The following STK36 variants were observed in gnomAD, a reference collection of about 807,000 sequenced individuals.
The protein encoded by STK36 is serine/threonine kinase 36.
Under a neutral mutation model 142.2 loss-of-function variants are expected in STK36, and 116 were observed. The ratio of observed to expected loss-of-function variants is 0.82; its 90% CI spans 0.70 to 0.95. The LOEUF is 0.95. Ranked by LOEUF, STK36 falls within the 40% of genes least tolerant of loss-of-function variation. The pLI, the probability that STK36 is intolerant of heterozygous loss-of-function variation, is 0.00. For missense variants in STK36, 1,422 were observed against 1,617.2 expected, an observed-to-expected ratio of 0.88 and a Z score of 2.07; for synonymous variants, 619 against 641.7, an observed-to-expected ratio of 0.96 and a Z score of 0.53.
chr2:218,699,278 C>T lies in STK36; in HGVS notation c.3734C>T (p.Pro1245Leu). The T allele has an allele frequency of 6.2e-7, 1 of 1,614,014 alleles. No homozygotes were observed. Among genetic ancestry groups the T allele is most frequent in the Non-Finnish European group, 8.5e-7 (1 of 1,180,018 alleles). Residue 1245 changes from proline to leucine, a missense_variant, in exon 26 of 27, where the codon CCC becomes CTC. Pro to Leu is a moderately conservative substitution (Grantham distance 98). Coordinates refer to ENST00000295709, the MANE Select transcript of STK36 (RefSeq NM_015690.5). ...QRLLEMACGD[P>L]QPNVKEAALI... is the part of the protein sequence containing the mutation. Reference sequence around the variant, plus strand: ...CTCCTAGAAATGGCATGTGGAGACCCCCAGCCAAATGTGAAGGAGGCTGCC... The same window carrying T: ...CTCCTAGAAATGGCATGTGGAGACCTCCAGCCAAATGTGAAGGAGGCTGCC...
Position 218,679,621 on chromosome 2 carries a change from A to G in STK36, c.840A>G (p.Glu280=), listed in dbSNP as rs1034996491. The G allele has an allele frequency of 1.2e-6, 2 of 1,614,120 alleles. No homozygotes were observed. The highest frequency in any genetic ancestry group is 1.7e-6 in the Non-Finnish European group (2 of 1,180,016). The change falls in exon 8 of 27, where the codon GAA becomes GAG. Residue 280 remains glutamate, a synonymous_variant. Coordinates refer to ENST00000295709, the MANE Select transcript of STK36 (RefSeq NM_015690.5). The stretch of plus-strand genomic sequence containing the variant: ...CATTCACCAGCCGCCTACCCCCAGA[A>G]CTTCAGGTCCTAAAGGACGAACAGG... ...GTPFTSRLPP[E]LQVLKDEQAH... is the part of the protein sequence containing the mutation.
At chr2:218,696,137 C>T (rs908312617) in intron 21 of STK36, among the ~76,000 whole-genome samples, 4 of 152,194 alleles carry the variant, frequency 2.6e-5, no homozygotes, top group Non-Finnish European at 4.4e-5. Context: ...GCTGGGATTA[C>T]AGGCGTGAGC....
chr2:218,697,302 A>T (rs1217151339), intron 23 of STK36, 89 bp downstream of exon 23: 2 of 1,527,862 alleles, frequency 1.3e-6, no homozygotes, highest in Non-Finnish European at 8.8e-7. Flanking sequence ...ACAGAGGTTT[A>T]TTTTTTTTGC....
intron 23 of STK36, 36 bp from the exon 24 acceptor site, chr2:218,697,427 C>T (rs1449171215): frequency 1.2e-6 from 2 of 1,610,068 alleles, no homozygotes. Context: ...GGGCGTCTTG[C>T]CTGTTCCATT....
rs55633575 is a variant in STK36 at position 218,697,954 on chromosome 2, G to A, written c.3010G>A (p.Val1004Ile). The change falls in exon 25 of 27, where the codon GTC (valine) becomes ATC (isoleucine). Residue 1004 changes from valine (V) to isoleucine (I), a missense_variant. By Grantham distance (29) the Val-to-Ile change is conservative. Around this residue, in one of 2 missense-constraint regions of STK36, gnomAD observed 962 missense variants for 1,167.5 expected, o/e 0.82. Coordinates refer to ENST00000295709, the MANE Select transcript of STK36 (RefSeq NM_015690.5). ...CATGGATGCTGACCTCCTTATAGGT[G>A]TCTTGGCCGACCTCAGGGACTCAGA... Reference protein sequence around the residue: ...LDMDADLLIGVLADLRDSEVA... With the variant: ...LDMDADLLIGILADLRDSEVA... 18,779 of 1,614,102 alleles carry A rather than the reference G, an allele frequency of 0.012. 1,839 individuals carry two copies. In the African/African-American group the frequency reaches 0.22, roughly 19 times the overall value.
At chr2:218,686,594 C>T (rs1264270652) in intron 11 of STK36, among the ~76,000 whole-genome samples, 2 of 152,142 alleles carry the variant, frequency 1.3e-5, no homozygotes. Context: ...TCATTATTCC[C>T]CTTTTTATAG....
intron 10 of STK36, among the ~76,000 whole-genome samples, chr2:218,681,929 T>C: frequency 7.6e-6 from 1 of 132,268 alleles, no homozygotes; most frequent in African/African-American, 2.5e-5. Flanking sequence ...TTTTTATTTA[T>C]TTTTTTTATT....
chr2:218,693,426 G>A (rs1247379861), intron 17 of STK36, 82 bp downstream of exon 17: 7 of 1,344,816 alleles, frequency 5.2e-6, no homozygotes, highest in African/African-American at 4.4e-5. Flanking sequence ...GACCAAGAGA[G>A]GAGGACTAAA....
chr2:218,673,162 A>T, intron 2 of STK36: 2 of 466,086 alleles, frequency 4.3e-6, no homozygotes, highest in Non-Finnish European at 7.8e-6. Context: ...TATCTCTAGA[A>T]TGGGGATAAG....
At chr2:218,678,624 C>T (rs1424761957) in intron 6 of STK36, among the ~76,000 whole-genome samples, 1 of 152,160 alleles carries the variant, frequency 6.6e-6, no homozygotes, top group Non-Finnish European at 1.5e-5. Context: ...AAGGTGTATC[C>T]TTTTCAGAGA....
At chr2:218,701,742 T>C (rs1941447427) in intron 26 of STK36, 124 bp from the exon 27 acceptor site, 1 of 1,203,582 alleles carries the variant, frequency 8.3e-7, no homozygotes, top group Non-Finnish European at 1.2e-6. Flanking sequence ...CAAGAGCCCA[T>C]TTCCTTTTTC....
At chr2:218,697,715 G>C in intron 24 of STK36, 105 bp downstream of exon 24, 1 of 1,589,012 alleles carries the variant, frequency 6.3e-7, no homozygotes, top group Non-Finnish European at 8.6e-7. Flanking sequence ...CAAGAAAGAT[G>C]AGATCAGGTT....
rs1318805066 is a variant in STK36 at position 218,679,667 on chromosome 2, G to C, written c.886G>C (p.Gly296Arg). 1 of 1,614,046 alleles carries C rather than the reference G, an allele frequency of 6.2e-7. No homozygotes were observed. ...ACAGGCCCATCGGTTGGCCCCCAAG[G>C]GTAATCAGTCTCGCATCTTGACTCA... Reference protein sequence around the residue: ...DEQAHRLAPKGNQSRILTQAY... With the variant: ...DEQAHRLAPKRNQSRILTQAY... Residue 296 changes from glycine to arginine, a missense_variant, in exon 8 of 27, where the codon GGT becomes CGT. This residue lies in a region of STK36 where 460 missense variants were observed against 449.6 expected (regional missense o/e 1.02). Coordinates refer to ENST00000295709, the MANE Select transcript of STK36 (RefSeq NM_015690.5).
In STK36 at chr2:218,698,961, C is replaced by G; in HGVS notation, c.3417C>G (p.His1139Gln). 2 of 1,614,154 alleles carry G rather than the reference C, an allele frequency of 1.2e-6. No homozygotes were observed. Among genetic ancestry groups the G allele is most frequent in the Non-Finnish European group, 8.5e-7 (1 of 1,180,012 alleles). The part of the protein sequence containing the change: ...TYRLLGHLLQ[H>Q]SMALRGALQS... The stretch of plus-strand genomic sequence containing the variant: ...GGCTCCTGGGACACTTGCTCCAACA[C>G]AGCATGGCCCTGCGTGGGGCACTGC... Residue 1139 changes from histidine (H) to glutamine (Q), a missense_variant, in exon 26 of 27, where the codon CAC (histidine) becomes CAG (glutamine). Coordinates refer to ENST00000295709, the MANE Select transcript of STK36 (RefSeq NM_015690.5).
chr2:218,685,194 G>T lies in STK36; in HGVS notation c.1346G>T (p.Arg449Leu). 6.2e-7 allele frequency: 1 copy of T among 1,614,172 alleles called. No homozygotes were observed. Among genetic ancestry groups the T allele is most frequent in the South Asian group, 1.1e-5 (1 of 91,082 alleles). ...TLLCNPDFCQ[R>L]IQSQLHEAGG... ...CTGTGTAATCCTGACTTCTGCCAGC[G>T]CATCCAGAGTCAGCTGCATGAAGCT... The change falls in exon 11 of 27, where the codon CGC becomes CTC. Residue 449 changes from arginine to leucine, a missense_variant. By Grantham distance (102) the Arg-to-Leu change is moderately radical. Around this residue, in one of 2 missense-constraint regions of STK36, gnomAD observed 962 missense variants for 1,167.5 expected, o/e 0.82. Transcript: ENST00000295709.
intron 6 of STK36, among the ~76,000 whole-genome samples, chr2:218,677,910 C>T (rs1174509332): frequency 4.6e-5 from 7 of 152,216 alleles, no homozygotes; most frequent in Non-Finnish European, 1.0e-4. Flanking sequence ...CCTGCCTCAG[C>T]CTCCTGAGTA....
intron 11 of STK36, among the ~76,000 whole-genome samples, chr2:218,686,086 G>A (rs563581485): frequency 6.6e-6 from 1 of 151,834 alleles, no homozygotes; most frequent in South Asian, 2.1e-4. Flanking sequence ...TTACAGGCTC[G>A]TGCCACCACG....
intron 16 of STK36, 144 bp downstream of exon 16, chr2:218,692,854 A>G: frequency 5.0e-6 from 6 of 1,196,710 alleles, no homozygotes; most frequent in Non-Finnish European, 6.8e-6. Context: ...ACCCTGGGCC[A>G]TTTGTAGAAC....
In STK36 at chr2:218,702,071, C is replaced by T; in HGVS notation, c.*62C>T. The stretch of plus-strand genomic sequence containing the variant: ...GCCAGCTCTTTCTTATTCTACTACA[C>T]AAGCCGCCAACTCAACTGAGAGCTA... On this transcript the variant is annotated 3_prime_UTR_variant, in exon 27 of 27. Coordinates refer to ENST00000295709, the MANE Select transcript of STK36 (RefSeq NM_015690.5). 1.3e-6 allele frequency: 2 copies of T among 1,585,250 alleles called. No individual in the cohort carries two copies. The highest frequency in any genetic ancestry group is 8.6e-7 in the Non-Finnish European group (1 of 1,165,470).
Sources: allele counts gnomAD v4.1 joint callset (sites outside exome capture counted in the v4.1 genomes callset), GRCh38; gene constraint gnomAD v4.1.1; regional missense constraint gnomAD v4.1.1; transcripts MANE v1.5; gene names NCBI Gene and HGNC (gene_info 2026-07-23, HGNC 2026-07-21).